SCP2: variants seen among roughly 807,000 people sequenced by gnomAD.
The protein encoded by SCP2 is SCP-2/3-oxoacyl-CoA thiolase.
A neutral mutation model predicts 71.4 loss-of-function variants in SCP2; 48 were observed. The ratio of observed to expected loss-of-function variants is 0.67; its 90% CI spans 0.53 to 0.86. The LOEUF is 0.86. Among genes scored for constraint, SCP2 ranks in the 40% least tolerant of loss-of-function variants. The pLI is 0.00. For missense variants in SCP2, 560 were observed against 655.6 expected, an observed-to-expected ratio of 0.85 and a Z score of 1.59; for synonymous variants, 220 against 218.1, an observed-to-expected ratio of 1.01 and a Z score of -0.08.
At chr1:52,963,508 A>G (rs1429856295) in intron 6 of SCP2, 2 of 152,124 alleles carry the variant, frequency 1.3e-5, no homozygotes, top group African/African-American at 4.8e-5. Flanking sequence ...AGGTGTTATT[A>G]TCTCATTTTA....
chr1:52,929,519 C>T (rs1652934524), intron 1 of SCP2, among the ~76,000 whole-genome samples: 1 of 152,142 alleles, frequency 6.6e-6, no homozygotes, highest in South Asian at 2.1e-4. Context: ...GATCTCAGCT[C>T]ACTGCAACCT....
At chr1:52,950,315 T>C (rs1385208287) in intron 3 of SCP2, among the ~76,000 whole-genome samples, 2 of 152,060 alleles carry the variant, frequency 1.3e-5, no homozygotes, top group East Asian at 3.9e-4. Flanking sequence ...AGAGATGGAG[T>C]TTCACCATGT....
chr1:53,005,159 A>G (rs1258134558), intron 11 of SCP2, among the ~76,000 whole-genome samples: 1 of 152,098 alleles, frequency 6.6e-6, no homozygotes, highest in Non-Finnish European at 1.5e-5. Flanking sequence ...TCGCAGCTCA[A>G]CGAGGCCCGC....
At chr1:52,929,838 T>C (rs930822642) in intron 1 of SCP2, among the ~76,000 whole-genome samples, 1 of 152,150 alleles carries the variant, frequency 6.6e-6, no homozygotes. Context: ...TTAGCCAGGA[T>C]GGTCTTAACC....
chr1:53,011,805 C>A (rs1178376373), intron 11 of SCP2, among the ~76,000 whole-genome samples: 2 of 152,178 alleles, frequency 1.3e-5, no homozygotes, highest in Middle Eastern at 3.2e-3. Context: ...TTTCCGACAT[C>A]TAGTCACAGA....
At chr1:52,958,074 T>C (rs1224630917) in intron 5 of SCP2, among the ~76,000 whole-genome samples, 1 of 152,226 alleles carries the variant, frequency 6.6e-6, no homozygotes, top group Non-Finnish European at 1.5e-5. Context: ...CATATATTTA[T>C]GTAGGTCTAT....
At chr1:52,946,470 C>A (rs563593583) in intron 2 of SCP2, among the ~76,000 whole-genome samples, 1 of 152,080 alleles carries the variant, frequency 6.6e-6, no homozygotes, top group Non-Finnish European at 1.5e-5. Context: ...CCCACTTCAG[C>A]CTCCTAAAGT....
At chr1:52,947,110 G>C (rs1456594863) in intron 2 of SCP2, among the ~76,000 whole-genome samples, 1 of 149,960 alleles carries the variant, frequency 6.7e-6, no homozygotes, top group Non-Finnish European at 1.5e-5. Flanking sequence ...GGCCGAGTGT[G>C]GTGACTCATG....
chr1:53,020,009 C>G (rs571712890), intron 12 of SCP2, among the ~76,000 whole-genome samples: 21 of 152,134 alleles, frequency 1.4e-4, no homozygotes, highest in Non-Finnish European at 2.8e-4. Context: ...GCCTAAGCCT[C>G]CTGAGTAGCT....
At chr1:53,037,307 G>A (rs951657935) in intron 13 of SCP2, among the ~76,000 whole-genome samples, 1 of 151,886 alleles carries the variant, frequency 6.6e-6, no homozygotes, top group Non-Finnish European at 1.5e-5. Context: ...TGAGTTTGTT[G>A]TCCTCCTTTT....
intron 14 of SCP2, among the ~76,000 whole-genome samples, chr1:53,042,009 G>A (rs6682799): frequency 0.098 from 14,977 of 152,110 alleles, 1,467 homozygotes; most frequent in African/African-American, 0.22. Context: ...GTTGAATAAG[G>A]GATTGATGAG....
chr1:52,969,253 A>G (rs1461670144), intron 6 of SCP2, among the ~76,000 whole-genome samples: 1 of 152,112 alleles, frequency 6.6e-6, no homozygotes, highest in Non-Finnish European at 1.5e-5. Flanking sequence ...CTTTCTGGAT[A>G]TGGTGATACA....
chr1:52,987,563 A>G (rs993545916), intron 10 of SCP2, among the ~76,000 whole-genome samples: 1 of 152,128 alleles, frequency 6.6e-6, no homozygotes, highest in Non-Finnish European at 1.5e-5. Flanking sequence ...GTGGCTCAAC[A>G]GTGTTTTCAG....
intron 1 of SCP2, among the ~76,000 whole-genome samples, chr1:52,931,833 G>C (rs1377545695): frequency 6.6e-6 from 1 of 152,120 alleles, no homozygotes; most frequent in African/African-American, 2.4e-5. Context: ...AAAAACTTTG[G>C]AGGAGGGATC....
chr1:53,001,708 C>T lies in SCP2; in HGVS notation c.1082-13182C>T, dbSNP rs12075858. On this transcript the variant is annotated intron_variant, in intron 11 of 15. Coordinates refer to ENST00000371514, the MANE Select transcript of SCP2 (RefSeq NM_002979.5). ...TTCAGTGTCCTTTCCTCACTGGAAA[C>T]GCCCATCTTCAAGTGCTCTCTCAAA... 5.6e-3 allele frequency among the ~76,000 whole-genome samples: 852 copies of T among 152,240 alleles called. 9 individuals carry two copies. Among genetic ancestry groups the T allele is most frequent in the African/African-American group, 0.019 (778 of 41,548 alleles).
intron 13 of SCP2, among the ~76,000 whole-genome samples, chr1:53,032,728 A>G (rs921285156): frequency 1.3e-5 from 2 of 152,216 alleles, no homozygotes; most frequent in Admixed American, 1.3e-4. Context: ...CAAGCCTGAG[A>G]GTGTCAGATG....
chr1:53,047,004 G>C (rs1318424624), intron 14 of SCP2, among the ~76,000 whole-genome samples: 1 of 152,228 alleles, frequency 6.6e-6, no homozygotes, highest in Non-Finnish European at 1.5e-5. Context: ...CTACAGTTAA[G>C]CTTTTGGCCA....
At chr1:52,991,414 T>C (rs866788840) in intron 11 of SCP2, among the ~76,000 whole-genome samples, 3 of 152,244 alleles carry the variant, frequency 2.0e-5, no homozygotes, top group South Asian at 2.1e-4. Flanking sequence ...CTTTTTTTTT[T>C]CCTTGAAACG....
intron 11 of SCP2, among the ~76,000 whole-genome samples, chr1:53,013,293 T>A (rs1047117567): frequency 2.6e-5 from 4 of 151,562 alleles, no homozygotes; most frequent in East Asian, 3.9e-4. Context: ...TTTAAAAAAA[T>A]TTTATTTTTA....
Sources: allele counts gnomAD v4.1 joint callset (sites outside exome capture counted in the v4.1 genomes callset), GRCh38; gene constraint gnomAD v4.1.1; transcripts MANE v1.5; gene names NCBI Gene and HGNC (gene_info 2026-07-23, HGNC 2026-07-21).